Variants in CECR2 observed in about 807,000 individuals in gnomAD.
The protein encoded by CECR2 is CECR2 histone acetyl-lysine reader.
Under a neutral mutation model 154.5 loss-of-function variants are expected in CECR2, and 30 were observed. The observed-to-expected ratio is 0.19, with a 90% confidence interval of 0.15 to 0.26. The LOEUF is 0.26. CECR2 is among the 10% of genes least tolerant of loss of function. The probability of loss-of-function intolerance (pLI) is 1.00; values close to 1 mark genes in which losing one functional copy is unlikely to be tolerated. For synonymous variants in CECR2, 725 were observed against 683.7 expected, an observed-to-expected ratio of 1.06 and a Z score of -0.94; for missense variants, 1,743 against 1,829.3, an observed-to-expected ratio of 0.95 and a Z score of 0.86.
At chr22:17,380,893 A>G (rs1448105035) in intron 1 of CECR2, among the ~76,000 whole-genome samples, 2 of 152,194 alleles carry the variant, frequency 1.3e-5, no homozygotes, top group Non-Finnish European at 2.9e-5. Context: ...CTCAGCAACA[A>G]TGGCACTGAG....
intron 2 of CECR2, among the ~76,000 whole-genome samples, chr22:17,483,759 A>C (rs1433291863): frequency 6.6e-6 from 1 of 152,234 alleles, no homozygotes; most frequent in Non-Finnish European, 1.5e-5. Flanking sequence ...GTATAGCCTA[A>C]GTTTACAGCA....
chr22:17,369,282 C>T (rs1282672979), upstream of CECR2: 1 of 151,156 alleles, frequency 6.6e-6, no homozygotes, highest in Non-Finnish European at 1.5e-5. Flanking sequence ...CCCCCTGGGT[C>T]CTGCGGATCT....
chr22:17,497,068 C>T (rs567400059), intron 2 of CECR2, among the ~76,000 whole-genome samples: 5 of 152,246 alleles, frequency 3.3e-5, no homozygotes, highest in Admixed American at 1.3e-4. Context: ...CCAAGGCGGG[C>T]GGATCGTGTG....
At chr22:17,533,552 C>G (rs1321006810) in intron 9 of CECR2, among the ~76,000 whole-genome samples, 1 of 150,076 alleles carries the variant, frequency 6.7e-6, no homozygotes, top group East Asian at 2.1e-4. Flanking sequence ...ATTGCTTGAA[C>G]CTGAGAGGCA....
chr22:17,512,139 C>T (rs1462259591), intron 8 of CECR2, among the ~76,000 whole-genome samples: 2 of 152,068 alleles, frequency 1.3e-5, no homozygotes, highest in African/African-American at 2.4e-5. Context: ...AATAAGAATA[C>T]GTACTGCAAT....
At chr22:17,481,967 G>C (rs2055328197) in intron 2 of CECR2, among the ~76,000 whole-genome samples, 1 of 149,956 alleles carries the variant, frequency 6.7e-6, no homozygotes, top group Non-Finnish European at 1.5e-5. Context: ...ATACAAAAAA[G>C]TAGCCGGGCG....
rs192348094 is a variant in CECR2, at chr22:17,527,538, G to A, written c.1108+3267G>A. 2.3e-4 allele frequency among the ~76,000 whole-genome samples: 35 copies of A among 152,126 alleles called. No individual in the cohort carries two copies. In the East Asian group the frequency reaches 5.4e-3, roughly 23 times the overall value. ...TCCCAGCACTTTGGGAGGCCGAGGC[G>A]GGCAGATGACTTGAGATCAGGAGTT... On this transcript the variant is annotated intron_variant, in intron 9 of 18. Coordinates refer to ENST00000262608, the MANE Select transcript of CECR2 (RefSeq NM_001290047.2).
intron 1 of CECR2, among the ~76,000 whole-genome samples, chr22:17,378,454 G>A (rs1317110044): frequency 4.0e-5 from 6 of 151,074 alleles, no homozygotes; most frequent in Non-Finnish European, 7.4e-5. Flanking sequence ...CCACCACCAC[G>A]CCTGGCTAAT....
At chr22:17,498,791 C>T (rs1435341257) in intron 3 of CECR2, among the ~76,000 whole-genome samples, 1 of 146,900 alleles carries the variant, frequency 6.8e-6, no homozygotes, top group Non-Finnish European at 1.5e-5. Context: ...AACAACCGCT[C>T]CCAGCCAAAT....
At chr22:17,382,958 T>C (rs1388101013) in intron 1 of CECR2, among the ~76,000 whole-genome samples, 1 of 152,100 alleles carries the variant, frequency 6.6e-6, no homozygotes, top group African/African-American at 2.4e-5. Context: ...CCAGGCGCGG[T>C]GGCTCACGCC....
chr22:17,453,916 A>G (rs1163876131), intron 1 of CECR2, among the ~76,000 whole-genome samples: 2 of 152,220 alleles, frequency 1.3e-5, no homozygotes, highest in African/African-American at 4.8e-5. Flanking sequence ...ACCGGGAAAC[A>G]AGCATTTCAA....
intron 16 of CECR2, among the ~76,000 whole-genome samples, chr22:17,543,397 G>T (rs947356923): frequency 1.3e-5 from 2 of 151,960 alleles, no homozygotes; most frequent in African/African-American, 4.8e-5. Context: ...GCCTCCCAAA[G>T]TACTGGGATT....
chr22:17,517,302 G>A (rs1190606539), intron 8 of CECR2, among the ~76,000 whole-genome samples: 1 of 152,174 alleles, frequency 6.6e-6, no homozygotes, highest in African/African-American at 2.4e-5. Context: ...CTTCCGCCAC[G>A]ATTATAAGTT....
At chr22:17,488,265 T>G (rs950723716) in intron 2 of CECR2, among the ~76,000 whole-genome samples, 2 of 152,228 alleles carry the variant, frequency 1.3e-5, no homozygotes, top group African/African-American at 4.8e-5. Context: ...TTTAGTGTTT[T>G]GGGTTCTCTT....
chr22:17,410,408 TC>T (rs904255141), intron 1 of CECR2, among the ~76,000 whole-genome samples: 27 of 149,022 alleles, frequency 1.8e-4, no homozygotes, highest in African/African-American at 7.0e-4. Context: ...TACTTTCTGA[TC>T]CCCCTGTTTG....
chr22:17,423,587 G>T (rs2054289349), intron 1 of CECR2, among the ~76,000 whole-genome samples: 1 of 152,104 alleles, frequency 6.6e-6, no homozygotes, highest in Admixed American at 6.5e-5. Flanking sequence ...CCTGCTTCTG[G>T]CAAGAGAGGA....
rs112319485 is a variant in CECR2 at position 17,555,933 on chromosome 22, G to GGCCCAAGAGA, written c.*3094_*3103dup. Reference sequence around the variant, plus strand: ...ATAAGTTAGAAACTTGTGTCCCTAAGGCCCAAGAGAAAAGATGAGCTTCTT... The same window carrying GGCCCAAGAGA: ...ATAAGTTAGAAACTTGTGTCCCTAAGGCCCAAGAGAGCCCAAGAGAAAAGATGAGCTTCTT... On this transcript the variant is annotated 3_prime_UTR_variant, in exon 19 of 19. Transcript: ENST00000262608. 2 of 152,108 alleles carry GGCCCAAGAGA rather than the reference G, an allele frequency of 1.3e-5. No homozygotes were observed. The highest frequency in any genetic ancestry group is 4.8e-5 in the African/African-American group (2 of 41,420). The allele number at this position is 152,108 out of a possible 1,614,324, so 9.4% of individuals were successfully genotyped here.
At chr22:17,516,637 C>G (rs897920529) in intron 8 of CECR2, among the ~76,000 whole-genome samples, 3 of 139,906 alleles carry the variant, frequency 2.1e-5, no homozygotes, top group African/African-American at 7.4e-5. Flanking sequence ...GAGTTTTGCC[C>G]AGACTGGAGT....
At chr22:17,504,643 G>A (rs556649368) in intron 6 of CECR2, among the ~76,000 whole-genome samples, 142 of 148,038 alleles carry the variant, frequency 9.6e-4, no homozygotes, top group East Asian at 1.4e-3. Context: ...GGGTTTCACC[G>A]TGTTAGCCAG....
Sources: gnomAD v4.1 joint callset for allele counts (sites outside exome capture counted in the v4.1 genomes callset) on GRCh38, gnomAD v4.1.1 for gene constraint, MANE v1.5 for transcripts, NCBI Gene and HGNC (gene_info 2026-07-23, HGNC 2026-07-21) for gene names.